NOC3L: variants seen among roughly 807,000 people sequenced by gnomAD.
NOC3L encodes nucleolar complex protein 3 homolog.
Under a neutral mutation model 102.5 loss-of-function variants are expected in NOC3L, and 85 were observed. That is an observed-to-expected ratio of 0.83 (90% CI 0.70 to 0.99). NOC3L has a LOEUF of 0.99. Among genes scored for constraint, NOC3L ranks in the 50% least tolerant of loss-of-function variants. The pLI is 0.00. For synonymous variants in NOC3L, 303 were observed against 309.4 expected (o/e 0.98, Z 0.22); for missense variants, 878 against 914.9 (o/e 0.96, Z 0.52).
At chr10:94,347,174 G>A (rs545902360) in intron 10 of NOC3L, among the ~76,000 whole-genome samples, 1 of 152,166 alleles carries the variant, frequency 6.6e-6, no homozygotes, top group Non-Finnish European at 1.5e-5. Context: ...CGCAGGCACA[G>A]CAGCATTCCT....
chr10:94,358,612 T>A (rs184617730), intron 2 of NOC3L, among the ~76,000 whole-genome samples: 1 of 152,324 alleles, frequency 6.6e-6, no homozygotes, highest in East Asian at 1.9e-4. Flanking sequence ...CTCAGCTCCT[T>A]CTCATCTCCA....
downstream of NOC3L, chr10:94,331,921 G>T (rs1057154835): frequency 1.3e-5 from 2 of 149,770 alleles, no homozygotes; most frequent in Non-Finnish European, 1.5e-5. Flanking sequence ...GCCCAGCCTG[G>T]AGTGCAGTGG....
intron 11 of NOC3L, 50 bp from the exon 12 acceptor site, chr10:94,344,983 A>G: frequency 7.6e-7 from 1 of 1,315,654 alleles, no homozygotes; most frequent in Non-Finnish European, 1.1e-6. Flanking sequence ...CCACAGAGTG[A>G]AAAAAGCAGA....
intron 8 of NOC3L, among the ~76,000 whole-genome samples, chr10:94,351,691 ATT>A (rs72378230): frequency 5.5e-4 from 77 of 139,864 alleles, no homozygotes; most frequent in Admixed American, 8.6e-4. Context: ...ATCATGCCTA[ATT>A]TTTTTTTTTT....
chr10:94,320,553 A>T, the NOC3L span, among the ~76,000 whole-genome samples: 2 of 152,178 alleles, frequency 1.3e-5, no homozygotes, highest in African/African-American at 2.4e-5. Context: ...CAACTCATGG[A>T]TTCTTCTGGT....
chr10:94,338,100 T>A (rs2054243320), intron 18 of NOC3L, among the ~76,000 whole-genome samples: 1 of 152,226 alleles, frequency 6.6e-6, no homozygotes, highest in Non-Finnish European at 1.5e-5. Flanking sequence ...AGTCTTGCTT[T>A]TACAATATAA....
intron 17 of NOC3L, 45 bp downstream of exon 17, chr10:94,339,694 T>C (rs1428062799): frequency 1.0e-5 from 15 of 1,480,436 alleles, no homozygotes; most frequent in East Asian, 4.7e-5. Context: ...AAAAAAATCA[T>C]TGCATTATAA....
intron 10 of NOC3L, among the ~76,000 whole-genome samples, chr10:94,347,003 C>A (rs892255966): frequency 1.3e-5 from 2 of 151,966 alleles, no homozygotes; most frequent in Non-Finnish European, 2.9e-5. Context: ...GGTCTGGGGA[C>A]AAAAATAAAA....
chr10:94,344,045 T>C (rs991362056), intron 13 of NOC3L, among the ~76,000 whole-genome samples: 3 of 151,978 alleles, frequency 2.0e-5, no homozygotes, highest in African/African-American at 4.8e-5. Context: ...TACACAGAAC[T>C]AGAGAAATGA....
chr10:94,319,356 G>A, the NOC3L span, among the ~76,000 whole-genome samples: 2 of 152,160 alleles, frequency 1.3e-5, no homozygotes, highest in Admixed American at 1.3e-4. Flanking sequence ...CTGAATGTAA[G>A]AGGGCACTAC....
At chr10:94,330,838 A>C (rs1207404829), downstream of NOC3L, 1 of 152,230 alleles carries the variant, frequency 6.6e-6, no homozygotes, top group Non-Finnish European at 1.5e-5. Context: ...AAATTATCCT[A>C]AATAGCCACT....
chr10:94,326,324 T>C, the NOC3L span, among the ~76,000 whole-genome samples: 1 of 152,200 alleles, frequency 6.6e-6, no homozygotes, highest in Non-Finnish European at 1.5e-5. Context: ...CAAATTTTAC[T>C]TAAAACAGCC....
the NOC3L span, among the ~76,000 whole-genome samples, chr10:94,321,103 A>G: frequency 1.3e-5 from 2 of 152,190 alleles, no homozygotes; most frequent in East Asian, 3.8e-4. Context: ...ATTTGTTTCA[A>G]TGTGGCTTAC....
chr10:94,330,961 T>C (rs77733996), downstream of NOC3L: 1 of 152,176 alleles, frequency 6.6e-6, no homozygotes, highest in Non-Finnish European at 1.5e-5. Flanking sequence ...GTTGGGGTCA[T>C]TACAAAATTT....
intron 13 of NOC3L, 28 bp downstream of exon 13, chr10:94,344,387 A>G (rs1311112063): frequency 2.0e-6 from 3 of 1,478,256 alleles, no homozygotes; most frequent in African/African-American, 2.8e-5. Flanking sequence ...GAAGGAATCT[A>G]AAAGATTTCA....
Position 94,349,229 on chromosome 10 carries a change from AG to A in NOC3L, c.1257+20del. 1 of 1,563,556 alleles carries A rather than the reference AG, an allele frequency of 6.4e-7. No homozygotes were observed. The highest frequency in any genetic ancestry group is 8.6e-7 in the Non-Finnish European group (1 of 1,165,202). On this transcript the variant is annotated intron_variant, in intron 10 of 20. Transcript: ENST00000371361. Reference sequence around the variant, plus strand: ...TTTGTAATTTAAAAACAAAATGCAAAGTAAAAAAAAAAAGGCTCACCTCTGG... The same window carrying A: ...TTTGTAATTTAAAAACAAAATGCAAATAAAAAAAAAAAGGCTCACCTCTGG...
intron 18 of NOC3L, 115 bp downstream of exon 18, chr10:94,338,493 A>C: frequency 4.2e-6 from 5 of 1,179,280 alleles, no homozygotes; most frequent in Non-Finnish European, 5.7e-6. Context: ...TAAAAAAGGC[A>C]GCCCCAGAAC....
downstream of NOC3L, chr10:94,331,789 G>A (rs1435468950): frequency 1.3e-5 from 2 of 151,862 alleles, no homozygotes; most frequent in Admixed American, 1.3e-4. Context: ...CTTGGCTGAT[G>A]GCTATGGATT....
chr10:94,336,643 T>C (rs1396567700), intron 19 of NOC3L, among the ~76,000 whole-genome samples: 2 of 151,842 alleles, frequency 1.3e-5, no homozygotes, highest in East Asian at 3.9e-4. Flanking sequence ...CCACTGAGCC[T>C]GGCCCTCTGT....
Sources: gnomAD v4.1 joint callset for allele counts (sites outside exome capture counted in the v4.1 genomes callset) on GRCh38, gnomAD v4.1.1 for gene constraint, MANE v1.5 for transcripts, NCBI Gene and HGNC (gene_info 2026-07-23, HGNC 2026-07-21) for gene names.